Variants in SPCS3 observed in about 807,000 individuals in gnomAD.
The protein encoded by SPCS3 is signal peptidase complex subunit 3.
A neutral mutation model predicts 17.2 loss-of-function variants in SPCS3; 9 were observed. That is an observed-to-expected ratio of 0.52 (90% confidence interval 0.31 to 0.91). The LOEUF is 0.91. SPCS3 is among the 40% of genes least tolerant of loss of function. The pLI, the probability that SPCS3 is intolerant of heterozygous loss-of-function variation, is 0.04. For missense variants in SPCS3, 139 were observed against 217.5 expected, an observed-to-expected ratio of 0.64 and a Z score of 2.27; for synonymous variants, 87 against 89.6, an observed-to-expected ratio of 0.97 and a Z score of 0.16.
chr4:176,331,414 G>C lies in SPCS3; in HGVS notation c.*3084G>C, dbSNP rs1291485365. On this transcript the variant is annotated 3_prime_UTR_variant, in exon 5 of 5. Transcript: ENST00000503362. Reference sequence around the variant, plus strand: ...CAAAACTTTCCTTGCTTTTAGCAGAGAGAAGCCTGTATATGTTACATGTGT... The same window carrying C: ...CAAAACTTTCCTTGCTTTTAGCAGACAGAAGCCTGTATATGTTACATGTGT... 6.6e-6 allele frequency: 1 copy of C among 152,096 alleles called. No individual in the cohort carries two copies. The highest frequency in any genetic ancestry group is 1.5e-5 in the Non-Finnish European group (1 of 68,030). The allele number at this position is 152,096 out of a possible 1,614,324, so 9.4% of individuals were successfully genotyped here.
chr4:176,325,425 G>T (rs568469745), intron 3 of SPCS3, among the ~76,000 whole-genome samples: 9 of 152,104 alleles, frequency 5.9e-5, no homozygotes, highest in African/African-American at 2.2e-4. Context: ...TGACCTACTT[G>T]AATCAACAAA....
intron 2 of SPCS3, 87 bp from the exon 3 acceptor site, chr4:176,324,094 G>T: frequency 1.4e-6 from 1 of 703,350 alleles, no homozygotes; most frequent in Non-Finnish European, 2.0e-6. Flanking sequence ...TAGTATTACT[G>T]TTATGGATAA....
At chr4:176,322,340 A>T in intron 2 of SPCS3, 97 bp downstream of exon 2, 1 of 804,516 alleles carries the variant, frequency 1.2e-6, no homozygotes, top group South Asian at 1.8e-5. Flanking sequence ...TATCTCATTG[A>T]ATCAGCCAAA....
At position 176,324,240 on chromosome 4, in the gene SPCS3, T is replaced by A. The variant is rs1313404930; in HGVS notation, c.277T>A (p.Tyr93Asn). Residue 93 changes from tyrosine (Y) to asparagine (N), a missense_variant, in exon 3 of 5, where the codon TAT becomes AAT. Physicochemically the swap from Tyr to Asn is moderately radical, Grantham distance 143. Transcript: ENST00000503362. ...KQLFLYLSAE[Y>N]STKNNALNQV... is the part of the protein sequence containing the mutation. ...GTTGTTTCTTTATTTATCAGCAGAA[T>A]ATTCAACAAAAAATAATGTAAGTAT... 8.7e-7 allele frequency: 1 copy of A among 1,152,708 alleles called. No homozygotes were observed. The highest frequency in any genetic ancestry group is 1.5e-5 in the South Asian group (1 of 65,668). The allele number at this position is 1,152,708 out of a possible 1,614,324, so 71.4% of individuals were successfully genotyped here.
chr4:176,325,137 G>C (rs1840270), intron 3 of SPCS3, among the ~76,000 whole-genome samples: 69,501 of 149,398 alleles, frequency 0.47, 17,414 homozygotes, highest in African/African-American at 0.67. Flanking sequence ...CTCACTGCAA[G>C]CTTTGCCTCC....
chr4:176,329,254 A>G lies in SPCS3; in HGVS notation c.*924A>G, dbSNP rs982925993. ...CCACTCATATACTTTAGTGTATGTC[A>G]TCCTCAATAATCTAATGAGGTAAGT... On this transcript the variant is annotated 3_prime_UTR_variant, in exon 5 of 5. Coordinates refer to ENST00000503362, the MANE Select transcript of SPCS3 (RefSeq NM_021928.4). 1 of 152,152 alleles carries G rather than the reference A, an allele frequency of 6.6e-6. No homozygotes were observed. The highest frequency in any genetic ancestry group is 6.5e-5 in the Admixed American group (1 of 15,276). The allele number at this position is 152,152 out of a possible 1,614,324, so 9.4% of individuals were successfully genotyped here.
Position 176,327,492 on chromosome 4 carries a change from A to G in SPCS3, c.410+215A>G, listed in dbSNP as rs1250693112. ...GTTTCTGAAATGTCATAGTCAAACT[A>G]ATAAAGCTTCTATCCTAAGCGTGTA... On this transcript the variant is annotated intron_variant, in intron 4 of 4. Transcript: ENST00000503362. The G allele has an allele frequency of 1.1e-5, 4 of 347,998 alleles. No individual in the cohort carries two copies. The Admixed American group carries it at 1.4e-4, about 12-fold the overall frequency. 21.6% of individuals were successfully genotyped at this position (347,998 alleles called of 1,614,324 possible). A position where few individuals can be genotyped will look rare whatever the true frequency, so the allele number is the denominator to read the frequency against.
chr4:176,325,297 G>T (rs1308345005), intron 3 of SPCS3, among the ~76,000 whole-genome samples: 1 of 151,710 alleles, frequency 6.6e-6, no homozygotes, highest in African/African-American at 2.4e-5. Context: ...CAGGTCATCC[G>T]CATGCCTCGT....
In SPCS3 at chr4:176,330,463, A is replaced by G. The variant is rs1483119416; in HGVS notation, c.*2133A>G. The G allele has an allele frequency of 6.6e-6, 1 of 152,182 alleles. No homozygotes were observed. The highest frequency in any genetic ancestry group is 2.4e-5 in the African/African-American group (1 of 41,444). The allele number at this position is 152,182 out of a possible 1,614,324, so 9.4% of individuals were successfully genotyped here. A position where few individuals can be genotyped will look rare whatever the true frequency, so the allele number is the denominator to read the frequency against. On this transcript the variant is annotated 3_prime_UTR_variant, in exon 5 of 5. Coordinates refer to ENST00000503362, the MANE Select transcript of SPCS3 (RefSeq NM_021928.4). ...GTTGAAATTTACTTGAATTACAGTT[A>G]TTTGACAAGCCCACTTTTTTTGGAG...
intron 3 of SPCS3, among the ~76,000 whole-genome samples, chr4:176,326,309 A>AC (rs1206511019): frequency 6.6e-6 from 1 of 152,180 alleles, no homozygotes; most frequent in African/African-American, 2.4e-5. Context: ...TCCAAAAAAA[A>AC]AAGGAAGAAA....
rs1263265596 is a variant in SPCS3 at position 176,327,619 on chromosome 4, G to A, written c.410+342G>A. ...GGAAACCTTAGAAGCAGCATGTTGGGTCTAGGAGTTGATAATAGTTAAAAG... is the reference window on the plus strand; with the variant it reads ...GGAAACCTTAGAAGCAGCATGTTGGATCTAGGAGTTGATAATAGTTAAAAG... On this transcript the variant is annotated intron_variant, in intron 4 of 4. Transcript: ENST00000503362. Among the ~76,000 whole-genome samples, 4 of 152,314 alleles carry A rather than the reference G, an allele frequency of 2.6e-5. No individual in the cohort carries two copies. In the South Asian group the frequency reaches 6.2e-4, roughly 24 times the overall value.
At chr4:176,326,116 A>G (rs1731602945) in intron 3 of SPCS3, among the ~76,000 whole-genome samples, 1 of 152,064 alleles carries the variant, frequency 6.6e-6, no homozygotes, top group South Asian at 2.1e-4. Context: ...CCTGGCCAAC[A>G]TGGTGAAACC....
intron 3 of SPCS3, among the ~76,000 whole-genome samples, chr4:176,326,136 C>T (rs1208957149): frequency 1.3e-5 from 2 of 151,758 alleles, no homozygotes; most frequent in Admixed American, 6.6e-5. Context: ...CCCATCTCTG[C>T]TAAAAATACA....
At position 176,326,857 on chromosome 4, in the gene SPCS3, G is replaced by A. The variant is rs977469431; in HGVS notation, c.295-305G>A. On this transcript the variant is annotated intron_variant, in intron 3 of 4. Coordinates refer to ENST00000503362, the MANE Select transcript of SPCS3 (RefSeq NM_021928.4). ...ATTTAATTCATCTGTTCCTCCAAAG[G>A]CCTCACTTTTTGGAGATCTTATAGA... The A allele has an allele frequency of 8.0e-5, 14 of 175,270 alleles. No homozygotes were observed. In the East Asian group the frequency reaches 2.1e-3, roughly 26 times the overall value. 10.9% of individuals were successfully genotyped at this position (175,270 alleles called of 1,614,324 possible).
chr4:176,324,954 A>G (rs890184357), intron 3 of SPCS3, among the ~76,000 whole-genome samples: 6 of 152,164 alleles, frequency 3.9e-5, no homozygotes, highest in Non-Finnish European at 7.3e-5. Context: ...TTAATTAACA[A>G]TAGTAAGATC....
rs1258001759 is a variant in SPCS3, at chr4:176,320,003, C to T, written c.-74C>T. The T allele has an allele frequency of 4.3e-6, 6 of 1,406,266 alleles. No individual in the cohort carries two copies. The highest frequency in any genetic ancestry group is 1.6e-5 in the South Asian group (1 of 63,198). The allele number at this position is 1,406,266 out of a possible 1,614,324, so 87.1% of individuals were successfully genotyped here. A position where few individuals can be genotyped will look rare whatever the true frequency, so the allele number is the denominator to read the frequency against. On this transcript the variant is annotated 5_prime_UTR_variant, in exon 1 of 5. Coordinates refer to ENST00000503362, the MANE Select transcript of SPCS3 (RefSeq NM_021928.4). ...CGCGCACCGCAGACGGCGCGGATCG[C>T]AGGGAGCCGGTCCGCCGCCGGAACG...
Position 176,330,835 on chromosome 4 carries a change from A to G in SPCS3, c.*2505A>G, listed in dbSNP as rs1042820809. 5 of 152,250 alleles carry G rather than the reference A, an allele frequency of 3.3e-5. No individual in the cohort carries two copies. Among genetic ancestry groups the G allele is most frequent in the African/African-American group, 1.2e-4 (5 of 41,468 alleles). The allele number at this position is 152,250 out of a possible 1,614,324, so 9.4% of individuals were successfully genotyped here. On this transcript the variant is annotated 3_prime_UTR_variant, in exon 5 of 5. Transcript: ENST00000503362. ...AATAATTTGAAGACACTTATTTAAAAGTAATTATGGTTAGAAATGAATTAA... is the reference window on the plus strand; with the variant it reads ...AATAATTTGAAGACACTTATTTAAAGGTAATTATGGTTAGAAATGAATTAA...
Position 176,319,996 on chromosome 4 carries a change from C to T in SPCS3, c.-81C>T. 5 of 1,383,980 alleles carry T rather than the reference C, an allele frequency of 3.6e-6. No individual in the cohort carries two copies. Among genetic ancestry groups the T allele is most frequent in the Non-Finnish European group, 2.8e-6 (3 of 1,057,204 alleles). The allele number at this position is 1,383,980 out of a possible 1,614,324, so 85.7% of individuals were successfully genotyped here. On this transcript the variant is annotated 5_prime_UTR_variant, in exon 1 of 5. Coordinates refer to ENST00000503362, the MANE Select transcript of SPCS3 (RefSeq NM_021928.4). ...CGGAACGCGCGCACCGCAGACGGCG[C>T]GGATCGCAGGGAGCCGGTCCGCCGC...
In SPCS3 at chr4:176,324,520, C is replaced by T. The variant is rs117823993; in HGVS notation, c.294+263C>T. 2.6e-5 allele frequency among the ~76,000 whole-genome samples: 4 copies of T among 152,300 alleles called. No individual in the cohort carries two copies. The East Asian group carries it at 5.8e-4, about 22-fold the overall frequency. ...CCAGAATGGAGACTTGCTATATGAACAGACGTTAATGTTCATATTCAGCCC... is the reference window on the plus strand; with the variant it reads ...CCAGAATGGAGACTTGCTATATGAATAGACGTTAATGTTCATATTCAGCCC... On this transcript the variant is annotated intron_variant, in intron 3 of 4. Transcript: ENST00000503362.
Sources: allele counts gnomAD v4.1 joint callset (sites outside exome capture counted in the v4.1 genomes callset), GRCh38; gene constraint gnomAD v4.1.1; transcripts MANE v1.5; gene names NCBI Gene and HGNC (gene_info 2026-07-23, HGNC 2026-07-21).